The following MARCHF10 variants were observed in gnomAD, a reference collection of about 807,000 sequenced individuals.
MARCHF10 encodes the protein membrane associated ring-CH-type finger 10, also known as probable E3 ubiquitin-protein ligase MARCHF10.
A neutral mutation model predicts 76.2 loss-of-function variants in MARCHF10; 64 were observed. The observed-to-expected ratio is 0.84, with a 90% CI of 0.69 to 1.03. MARCHF10 has a LOEUF of 1.03. MARCHF10 is among the 50% of genes least tolerant of loss of function. The pLI, the probability that MARCHF10 is intolerant of heterozygous loss-of-function variation, is 0.00. For missense variants in MARCHF10, 875 were observed against 958.0 expected, an observed-to-expected ratio of 0.91 and a Z score of 1.14; for synonymous variants, 340 against 357.5, an observed-to-expected ratio of 0.95 and a Z score of 0.55.
intron 2 of MARCHF10, among the ~76,000 whole-genome samples, chr17:62,793,983 C>A (rs1207109655): frequency 2.7e-5 from 4 of 150,678 alleles, no homozygotes; most frequent in Admixed American, 2.0e-4. Flanking sequence ...ACTTCCATCA[C>A]CACCACCACC....
chr17:62,750,750 C>A (rs4968740), intron 4 of MARCHF10, among the ~76,000 whole-genome samples: 20 of 152,082 alleles, frequency 1.3e-4, no homozygotes, highest in Non-Finnish European at 2.5e-4. Context: ...CTGTTCCAGC[C>A]AACAGTCTCC....
At chr17:62,787,434 A>G (rs769163734) in intron 3 of MARCHF10, among the ~76,000 whole-genome samples, 36 of 152,304 alleles carry the variant, frequency 2.4e-4, no homozygotes, top group South Asian at 8.3e-4. Context: ...CCTCTAGAGT[A>G]TATTTCAGGC....
chr17:62,780,842 C>T (rs2092645412), intron 3 of MARCHF10: 1 of 152,126 alleles, frequency 6.6e-6, no homozygotes, highest in African/African-American at 2.4e-5. Flanking sequence ...AAGCTTGCGG[C>T]TTACCATGTC....
chr17:62,804,689 A>G (rs889922484), intron 1 of MARCHF10, among the ~76,000 whole-genome samples: 1 of 152,200 alleles, frequency 6.6e-6, no homozygotes, highest in African/African-American at 2.4e-5. Context: ...AAGATATCTA[A>G]GCTCACAAAG....
At position 62,715,673 on chromosome 17, in the gene MARCHF10, C is replaced by A. The variant is rs1425159054; in HGVS notation, c.2215-4329G>T. The stretch of plus-strand genomic sequence containing the variant: ...CTGTACTGCCACAGGCCCTGACAGA[C>A]CTAAGATGAAACCGCCAGGTCCCTG... On this transcript the variant is annotated intron_variant, in intron 8 of 10. Coordinates refer to ENST00000311269, the MANE Select transcript of MARCHF10 (RefSeq NM_152598.4). 5.3e-5 allele frequency among the ~76,000 whole-genome samples: 8 copies of A among 152,320 alleles called. No individual in the cohort carries two copies. In the East Asian group the frequency reaches 1.5e-3, roughly 29 times the overall value.
Position 62,736,567 on chromosome 17 carries a change from T to C in MARCHF10, c.1301A>G (p.His434Arg), listed in dbSNP as rs779690854. The change falls in exon 6 of 11, where the codon CAT becomes CGT. Residue 434 changes from histidine to arginine, a missense_variant. Transcript: ENST00000311269. ...GTCTTTCCAGTATCCTTCAGAATCA[T>C]GGGTGCCAGGCCTATGTTCCACAGA... Reference protein sequence around the residue: ...CISVEHRPGTHDSEGYWKDYL... With the variant: ...CISVEHRPGTRDSEGYWKDYL... 45 of 1,614,232 alleles carry C rather than the reference T, an allele frequency of 2.8e-5. 1 individual carries two copies. Among genetic ancestry groups the C allele is most frequent in the Middle Eastern group, 1.6e-4 (1 of 6,062 alleles).
intron 5 of MARCHF10, 144 bp downstream of exon 5, chr17:62,744,232 T>G (rs747333939): frequency 1.1e-6 from 1 of 928,956 alleles, no homozygotes; most frequent in Admixed American, 2.6e-5. Flanking sequence ...TACAATTTGC[T>G]TTTAAAGCTG....
Position 62,710,550 on chromosome 17 carries a change from C to CTT in MARCHF10, c.2328+679_2328+680dup, listed in dbSNP as rs552647502. On this transcript the variant is annotated intron_variant, in intron 9 of 10. Transcript: ENST00000311269. Reference sequence around the variant, plus strand: ...CTTATGACTAACAGTTTGAACCCAGCTTTTTTTTTTTTTTTTTTTTTTTTT... The same window carrying CTT: ...CTTATGACTAACAGTTTGAACCCAGCTTTTTTTTTTTTTTTTTTTTTTTTTTT... Among the ~76,000 whole-genome samples, 364 of 88,604 alleles carry CTT rather than the reference C, an allele frequency of 4.1e-3. 23 individuals are homozygous for CTT. The highest frequency in any genetic ancestry group is 0.011 in the African/African-American group (227 of 19,800). 58.1% of individuals were successfully genotyped at this position (88,604 alleles called of 152,430 possible).
chr17:62,771,574 A>ATTTTTTT (rs1207861655), intron 3 of MARCHF10, among the ~76,000 whole-genome samples: 1 of 126,248 alleles, frequency 7.9e-6, no homozygotes. Flanking sequence ...GTCAATATCT[A>ATTTTTTT]TTTTTTTTTT....
chr17:62,716,079 A>T (rs1421806770), intron 8 of MARCHF10, among the ~76,000 whole-genome samples: 1 of 152,066 alleles, frequency 6.6e-6, no homozygotes, highest in Non-Finnish European at 1.5e-5. Flanking sequence ...GCTGTTAAAC[A>T]TCTCTTCTTC....
intron 3 of MARCHF10, among the ~76,000 whole-genome samples, chr17:62,782,510 G>A (rs2092677315): frequency 6.6e-6 from 1 of 151,962 alleles, no homozygotes; most frequent in Non-Finnish European, 1.5e-5. Flanking sequence ...ACCACGCCCA[G>A]TTAATTTTCG....
intron 3 of MARCHF10, among the ~76,000 whole-genome samples, chr17:62,788,260 G>A (rs1425482151): frequency 6.6e-6 from 1 of 152,226 alleles, no homozygotes; most frequent in Non-Finnish European, 1.5e-5. Context: ...ATAGTGAGGT[G>A]TGAAGACTGC....
At position 62,701,497 on chromosome 17, in the gene MARCHF10, G is replaced by A; in HGVS notation, c.*206C>T. 1 of 1,188,692 alleles carries A rather than the reference G, an allele frequency of 8.4e-7. No individual in the cohort carries two copies. Among genetic ancestry groups the A allele is most frequent in the Non-Finnish European group, 1.2e-6 (1 of 869,344 alleles). The allele number at this position is 1,188,692 out of a possible 1,614,324, so 73.6% of individuals were successfully genotyped here. On this transcript the variant is annotated 3_prime_UTR_variant, in exon 11 of 11. Coordinates refer to ENST00000311269, the MANE Select transcript of MARCHF10 (RefSeq NM_152598.4). ...TCCACAGTCCCACGCTGCTTGACCT[G>A]TGCTGTCTGGGACTAGACTGGTCGC... is the stretch of plus-strand genomic sequence containing the variant.
chr17:62,788,890 C>T (rs1032000528), intron 2 of MARCHF10, among the ~76,000 whole-genome samples: 10 of 147,716 alleles, frequency 6.8e-5, no homozygotes, highest in East Asian at 2.0e-4. Context: ...GGTGAAACCC[C>T]GTCTCTACTA....
intron 1 of MARCHF10, among the ~76,000 whole-genome samples, chr17:62,804,653 G>C (rs1220885240): frequency 6.6e-6 from 1 of 152,132 alleles, no homozygotes; most frequent in African/African-American, 2.4e-5. Flanking sequence ...GTTTGGCTTT[G>C]ACTGGCATGG....
Position 62,786,428 on chromosome 17 carries a change from T to C in MARCHF10, c.210+2052A>G, listed in dbSNP as rs1425628124. Among the ~76,000 whole-genome samples, 6 of 152,124 alleles carry C rather than the reference T, an allele frequency of 3.9e-5. No individual in the cohort carries two copies. In the South Asian group the frequency reaches 6.2e-4, roughly 16 times the overall value. ...GGATAGCATTAGGATAAATACCTAATGTAGATGAGGAGTTAATGGGTGCAG... is the reference window on the plus strand; with the variant it reads ...GGATAGCATTAGGATAAATACCTAACGTAGATGAGGAGTTAATGGGTGCAG... On this transcript the variant is annotated intron_variant, in intron 3 of 10. Coordinates refer to ENST00000311269, the MANE Select transcript of MARCHF10 (RefSeq NM_152598.4).
intron 1 of MARCHF10, among the ~76,000 whole-genome samples, chr17:62,806,236 G>A (rs2093161958): frequency 6.6e-6 from 1 of 152,172 alleles, no homozygotes. Flanking sequence ...AGAAATAACA[G>A]TATGGAAATA....
chr17:62,747,274 G>C lies in MARCHF10; in HGVS notation c.383-2746C>G, dbSNP rs79694641. On this transcript the variant is annotated intron_variant, in intron 4 of 10. Transcript: ENST00000311269. ...AACACATTTTTTTGTTGTGCAGAAC[G>C]CCCAAGATGGCTTAAGATAAAAGGT... Among the ~76,000 whole-genome samples, 1,049 of 152,302 alleles carry C rather than the reference G, an allele frequency of 6.9e-3. 6 individuals are homozygous for C. Among genetic ancestry groups the C allele is most frequent in the African/African-American group, 0.024 (1,012 of 41,548 alleles).
intron 3 of MARCHF10, 129 bp downstream of exon 3, chr17:62,788,351 C>T: frequency 7.8e-7 from 1 of 1,274,536 alleles, no homozygotes; most frequent in Non-Finnish European, 1.1e-6. Flanking sequence ...GCTCTCCCTG[C>T]CTTGACCTTT....
Sources: gnomAD v4.1 joint callset for allele counts (sites outside exome capture counted in the v4.1 genomes callset) on GRCh38, gnomAD v4.1.1 for gene constraint, MANE v1.5 for transcripts, NCBI Gene and HGNC (gene_info 2026-07-23, HGNC 2026-07-21) for gene names.